CADM2: variants seen among roughly 807,000 people sequenced by gnomAD.
The protein encoded by CADM2 is immunoglobulin superfamily member 4D.
In CADM2, 12 loss-of-function variants were observed where a neutral mutation model predicts 49.8. That is an observed-to-expected ratio of 0.24 (90% CI 0.15 to 0.39). CADM2 has a LOEUF of 0.39. Among genes scored for constraint, CADM2 ranks in the 10% least tolerant of loss-of-function variants. CADM2 has a pLI of 1.00. For missense variants in CADM2, 378 were observed against 492.3 expected (o/e 0.77, Z 2.20); for synonymous variants, 214 against 175.4 (o/e 1.22, Z -1.74).
At chr3:85,123,359 G>T (rs1490864694) in intron 1 of CADM2, among the ~76,000 whole-genome samples, 3 of 152,004 alleles carry the variant, frequency 2.0e-5, no homozygotes, top group African/African-American at 7.2e-5. Flanking sequence ...ATTTCAAATG[G>T]TAGTCATAAG....
At chr3:85,144,620 A>AGAAAG (rs1553688088) in intron 1 of CADM2, among the ~76,000 whole-genome samples, 17 of 136,366 alleles carry the variant, frequency 1.2e-4, no homozygotes, top group Admixed American at 1.1e-3. Flanking sequence ...TCAAAAAAAA[A>AGAAAG]AAAGAAAGAA....
intron 1 of CADM2, among the ~76,000 whole-genome samples, chr3:85,652,152 C>G (rs962213137): frequency 1.5e-4 from 23 of 151,868 alleles, no homozygotes; most frequent in African/African-American, 5.3e-4. Context: ...AGATGTCAGT[C>G]TCGTTTACCC....
chr3:85,576,147 T>C (rs925462212), intron 1 of CADM2, among the ~76,000 whole-genome samples: 3 of 152,204 alleles, frequency 2.0e-5, no homozygotes, highest in African/African-American at 7.2e-5. Context: ...TAACATAATT[T>C]ATTTATTATA....
chr3:85,359,666 A>ATTTTTTT lies in CADM2; in HGVS notation c.62-366851_62-366845dup, dbSNP rs869151718. On this transcript the variant is annotated intron_variant, in intron 1 of 9. Coordinates refer to ENST00000383699, the MANE Select transcript of CADM2 (RefSeq NM_001167675.2). ...TATATATATATATATATATATATAT[A>ATTTTTTT]TTTTTTTTTTTGGTGGAGGGGAGAA... Among the ~76,000 whole-genome samples, 161 of 26,498 alleles carry ATTTTTTT rather than the reference A, an allele frequency of 6.1e-3. 10 individuals carry two copies. The highest frequency in any genetic ancestry group is 0.034 in the South Asian group (24 of 704). The allele number at this position is 26,498 out of a possible 152,430, so 17.4% of individuals were successfully genotyped here.
intron 8 of CADM2, among the ~76,000 whole-genome samples, chr3:86,049,116 AAC>A (rs1737031138): frequency 6.6e-6 from 1 of 152,104 alleles, no homozygotes; most frequent in Non-Finnish European, 1.5e-5. Context: ...CAAAGTTAAA[AAC>A]AGTTATGATT....
intron 1 of CADM2, among the ~76,000 whole-genome samples, chr3:85,314,765 A>G (rs1044269188): frequency 2.0e-5 from 3 of 152,224 alleles, no homozygotes; most frequent in African/African-American, 7.2e-5. Context: ...GCACATTGGA[A>G]TTAAGGAGGG....
At chr3:85,000,075 C>T (rs993756720) in intron 1 of CADM2, among the ~76,000 whole-genome samples, 1 of 151,090 alleles carries the variant, frequency 6.6e-6, no homozygotes, top group Non-Finnish European at 1.5e-5. Context: ...CATATTACTA[C>T]TTTGGCTGTT....
chr3:85,409,884 A>T (rs149788756), intron 1 of CADM2, among the ~76,000 whole-genome samples: 2,111 of 152,258 alleles, frequency 0.014, 47 homozygotes, highest in African/African-American at 0.048. Context: ...AAAATCAAGA[A>T]TGGATGGTAG....
intron 1 of CADM2, among the ~76,000 whole-genome samples, chr3:85,275,915 C>A (rs114430143): frequency 0.03 from 4,579 of 151,022 alleles, 89 homozygotes; most frequent in South Asian, 0.047. Context: ...ATGTGTGAGC[C>A]ACAGTATTAT....
chr3:85,644,015 TTTAAGA>T (rs779756485), intron 1 of CADM2, among the ~76,000 whole-genome samples: 1 of 152,122 alleles, frequency 6.6e-6, no homozygotes, highest in Non-Finnish European at 1.5e-5. Context: ...CTATTGGATA[TTTAAGA>T]TTGAAAGAAA....
At position 85,620,665 on chromosome 3, in the gene CADM2, T is replaced by C. The variant is rs564304169; in HGVS notation, c.62-105857T>C. Among the ~76,000 whole-genome samples, 3 of 152,250 alleles carry C rather than the reference T, an allele frequency of 2.0e-5. No homozygotes were observed. The South Asian group carries it at 6.2e-4, about 32-fold the overall frequency. ...AAAATGTTTCTAAAATAAATTTTGA[T>C]TGTAGACATATGTGCAATCCTTAAA... On this transcript the variant is annotated intron_variant, in intron 1 of 9. Transcript: ENST00000383699.
chr3:85,102,044 A>T (rs1430279683), intron 1 of CADM2, among the ~76,000 whole-genome samples: 1 of 152,186 alleles, frequency 6.6e-6, no homozygotes. Flanking sequence ...TCAGCTTAAC[A>T]TATGGAATCC....
At chr3:85,435,976 T>C (rs1308916192) in intron 1 of CADM2, among the ~76,000 whole-genome samples, 1 of 152,210 alleles carries the variant, frequency 6.6e-6, no homozygotes, top group East Asian at 1.9e-4. Context: ...GTAAGTTGCC[T>C]GTTCACTCTG....
At chr3:85,057,136 T>C (rs2036110895) in intron 1 of CADM2, among the ~76,000 whole-genome samples, 1 of 152,112 alleles carries the variant, frequency 6.6e-6, no homozygotes, top group South Asian at 2.1e-4. Context: ...TCAAACCCTG[T>C]CAACAACTTA....
At chr3:85,124,682 A>G (rs754823178) in intron 1 of CADM2, among the ~76,000 whole-genome samples, 36 of 152,184 alleles carry the variant, frequency 2.4e-4, no homozygotes, top group Non-Finnish European at 4.1e-4. Context: ...CAAACATTCA[A>G]TTACACCTAA....
At chr3:85,486,182 A>G (rs1231976218) in intron 1 of CADM2, among the ~76,000 whole-genome samples, 1 of 152,152 alleles carries the variant, frequency 6.6e-6, no homozygotes, top group Non-Finnish European at 1.5e-5. Flanking sequence ...TTCAGAAAAT[A>G]ATTTCTTGAG....
At chr3:85,580,103 C>T (rs1253258178) in intron 1 of CADM2, among the ~76,000 whole-genome samples, 1 of 152,032 alleles carries the variant, frequency 6.6e-6, no homozygotes, top group African/African-American at 2.4e-5. Flanking sequence ...CAGTTTACAC[C>T]AATTATTTCA....
At chr3:85,151,560 C>G (rs1314812360) in intron 1 of CADM2, among the ~76,000 whole-genome samples, 3 of 152,162 alleles carry the variant, frequency 2.0e-5, no homozygotes, top group Admixed American at 6.5e-5. Flanking sequence ...CTTAGAGCAG[C>G]CGATTAAAAT....
chr3:85,949,944 T>C, intron 7 of CADM2, among the ~76,000 whole-genome samples: 1 of 151,098 alleles, frequency 6.6e-6, no homozygotes, highest in East Asian at 2.0e-4. Context: ...TTAGGATGCT[T>C]ATAGAAACAT....
Sources: allele counts gnomAD v4.1 joint callset (sites outside exome capture counted in the v4.1 genomes callset), GRCh38; gene constraint gnomAD v4.1.1; transcripts MANE v1.5; gene names NCBI Gene and HGNC (gene_info 2026-07-23, HGNC 2026-07-21).